GSK3B: variants seen among roughly 807,000 people sequenced by gnomAD.
The protein encoded by GSK3B is glycogen synthase kinase-3 beta.
A neutral mutation model predicts 56.4 loss-of-function variants in GSK3B; 15 were observed. The observed-to-expected ratio is 0.27, with a 90% CI of 0.18 to 0.41. The LOEUF (loss-of-function observed/expected upper bound fraction) is 0.41. Among genes scored for constraint, GSK3B ranks in the 10% least tolerant of loss-of-function variants. The pLI, the probability that GSK3B is intolerant of heterozygous loss-of-function variation, is 1.00. For synonymous variants in GSK3B, 181 were observed against 188.9 expected, an observed-to-expected ratio of 0.96 and a Z score of 0.34; for missense variants, 300 against 513.4, an observed-to-expected ratio of 0.58 and a Z score of 4.02.
At chr3:119,971,651 G>A (rs1055192315) in intron 2 of GSK3B, among the ~76,000 whole-genome samples, 11 of 109,470 alleles carry the variant, frequency 1.0e-4, no homozygotes, top group African/African-American at 3.0e-4. Context: ...TCGCTCTGTC[G>A]CCCAGGCTGG....
rs771610153 is a variant in GSK3B at position 120,048,422 on chromosome 3, A to ATAAACTCTGG, written c.88+44915_88+44924dup. Among the ~76,000 whole-genome samples the ATAAACTCTGG allele has an allele frequency of 1.2e-3, 184 of 152,356 alleles. 1 individual carries two copies. The highest frequency in any genetic ancestry group is 2.0e-3 in the Non-Finnish European group (134 of 68,020). On this transcript the variant is annotated intron_variant, in intron 1 of 10. Transcript: ENST00000264235. ...AAAGTCTAGCATAGTCACTAAGAGC[A>ATAAACTCTGG]TAAACTCTGGAGCCAGACAGCCTGG...
At chr3:119,861,497 T>A in intron 9 of GSK3B, among the ~76,000 whole-genome samples, 1 of 143,678 alleles carries the variant, frequency 7.0e-6, no homozygotes. Flanking sequence ...AGTGACAGAG[T>A]GAGACTCCGT....
intron 7 of GSK3B, among the ~76,000 whole-genome samples, chr3:119,889,608 G>A (rs1274911256): frequency 6.6e-6 from 1 of 152,044 alleles, no homozygotes; most frequent in Non-Finnish European, 1.5e-5. Flanking sequence ...TTAATCCATA[G>A]GTGGCAGTAA....
In GSK3B at chr3:119,937,513, G is replaced by C. The variant is rs563951207; in HGVS notation, c.366+9755C>G. Among the ~76,000 whole-genome samples, 107 of 151,972 alleles carry C rather than the reference G, an allele frequency of 7.0e-4. 1 individual carries two copies. The highest frequency in any genetic ancestry group is 1.4e-3 in the Non-Finnish European group (95 of 68,016). The stretch of plus-strand genomic sequence containing the variant: ...AACCTCTTTCCTTTACAAATTACTT[G>C]GCCTCAGGTATTCCTTTATAGCAGC... On this transcript the variant is annotated intron_variant, in intron 3 of 10. Transcript: ENST00000264235.
At chr3:119,971,946 T>C (rs576791763) in intron 2 of GSK3B, among the ~76,000 whole-genome samples, 1 of 152,346 alleles carries the variant, frequency 6.6e-6, no homozygotes, top group South Asian at 2.1e-4. Flanking sequence ...TAAAGTTCCC[T>C]AATTTCTTTA....
chr3:119,902,878 C>T (rs951802717), intron 7 of GSK3B, among the ~76,000 whole-genome samples: 1 of 151,978 alleles, frequency 6.6e-6, no homozygotes, highest in Admixed American at 6.6e-5. Flanking sequence ...CTATGCCTGG[C>T]TAATTTTTCT....
At chr3:119,953,500 C>A (rs1030297402) in intron 2 of GSK3B, among the ~76,000 whole-genome samples, 3 of 152,138 alleles carry the variant, frequency 2.0e-5, no homozygotes, top group Non-Finnish European at 4.4e-5. Context: ...ATATACAATA[C>A]AAACAGTAAC....
At chr3:119,929,895 C>A (rs2056926505) in intron 3 of GSK3B, among the ~76,000 whole-genome samples, 1 of 145,002 alleles carries the variant, frequency 6.9e-6, no homozygotes, top group Admixed American at 6.9e-5. Flanking sequence ...GAGCGAAACT[C>A]TGCCTCAAAA....
intron 10 of GSK3B, among the ~76,000 whole-genome samples, chr3:119,829,206 A>C (rs2055562661): frequency 1.3e-5 from 2 of 152,152 alleles, no homozygotes; most frequent in Admixed American, 1.3e-4. Context: ...AGATTCCTCC[A>C]AGCCTTTCTC....
chr3:119,899,863 T>C (rs1314671920), intron 7 of GSK3B, among the ~76,000 whole-genome samples: 2 of 152,132 alleles, frequency 1.3e-5, no homozygotes, highest in African/African-American at 4.8e-5. Context: ...TAGGTCCTTC[T>C]AAATCTTTTT....
intron 1 of GSK3B, among the ~76,000 whole-genome samples, chr3:120,078,295 AT>A (rs1286080226): frequency 4.1e-4 from 63 of 152,108 alleles, no homozygotes; most frequent in Non-Finnish European, 4.4e-5. Context: ...TTTTAGAACA[AT>A]TTCCTACTCC....
At chr3:119,852,264 G>C (rs944151402) in intron 9 of GSK3B, among the ~76,000 whole-genome samples, 11 of 152,070 alleles carry the variant, frequency 7.2e-5, no homozygotes, top group African/African-American at 2.7e-4. Flanking sequence ...CTACATTATA[G>C]TACAGGTGTT....
intron 2 of GSK3B, among the ~76,000 whole-genome samples, chr3:119,987,714 T>A (rs955210561): frequency 2.6e-5 from 4 of 152,188 alleles, no homozygotes; most frequent in Non-Finnish European, 4.4e-5. Flanking sequence ...TGGATAAATA[T>A]GCCTACAAGG....
intron 1 of GSK3B, among the ~76,000 whole-genome samples, chr3:120,005,590 T>C (rs1314950561): frequency 6.6e-6 from 1 of 152,184 alleles, no homozygotes; most frequent in Non-Finnish European, 1.5e-5. Flanking sequence ...GCAGAAACTC[T>C]ACAAGCCAGA....
At position 119,824,481 on chromosome 3, in the gene GSK3B, G is replaced by T. The variant is rs761384782; in HGVS notation, c.*2307C>A. ...TTATGGACTCTGGGGAGTATACCAC[G>T]TCCAGAGCAGTGTCTGCATCCAAAC... On this transcript the variant is annotated 3_prime_UTR_variant, in exon 11 of 11. Coordinates refer to ENST00000264235, the MANE Select transcript of GSK3B (RefSeq NM_001146156.2). 3 of 215,282 alleles carry T rather than the reference G, an allele frequency of 1.4e-5. No individual in the cohort carries two copies. Among genetic ancestry groups the T allele is most frequent in the Non-Finnish European group, 2.8e-5 (3 of 106,684 alleles). The allele number at this position is 215,282 out of a possible 1,614,324, so 13.3% of individuals were successfully genotyped here.
chr3:119,866,380 A>G (rs1024448829), intron 8 of GSK3B, among the ~76,000 whole-genome samples: 8 of 152,240 alleles, frequency 5.3e-5, no homozygotes, highest in Non-Finnish European at 1.0e-4. Flanking sequence ...TTCAGCCTAG[A>G]TGTCAATGAA....
chr3:119,886,559 A>C (rs1430154806), intron 7 of GSK3B, among the ~76,000 whole-genome samples: 2 of 152,120 alleles, frequency 1.3e-5, no homozygotes, highest in Non-Finnish European at 2.9e-5. Context: ...TCTACCAAAA[A>C]GATACAACCA....
At chr3:120,064,497 T>C (rs2058263871) in intron 1 of GSK3B, among the ~76,000 whole-genome samples, 1 of 152,024 alleles carries the variant, frequency 6.6e-6, no homozygotes, top group South Asian at 2.1e-4. Flanking sequence ...AAAACATTGC[T>C]AAAGAAAATT....
chr3:119,938,979 A>C (rs2057021701), intron 3 of GSK3B, among the ~76,000 whole-genome samples: 1 of 151,562 alleles, frequency 6.6e-6, no homozygotes, highest in South Asian at 2.1e-4. Flanking sequence ...ACCTAGTAAA[A>C]AGATCTAGTT....
Sources: gnomAD v4.1 joint callset for allele counts (sites outside exome capture counted in the v4.1 genomes callset) on GRCh38, gnomAD v4.1.1 for gene constraint, MANE v1.5 for transcripts, NCBI Gene and HGNC (gene_info 2026-07-23, HGNC 2026-07-21) for gene names.